The following HECTD4 variants were observed in gnomAD, a reference collection of about 807,000 sequenced individuals.
HECTD4 encodes probable E3 ubiquitin-protein ligase HECTD4.
Under a neutral mutation model 471.5 loss-of-function variants are expected in HECTD4, and 114 were observed. The observed-to-expected ratio is 0.24, with a 90% CI of 0.21 to 0.28. The LOEUF (loss-of-function observed/expected upper bound fraction) is 0.28, where lower values mean the gene tolerates loss of function less well. Among genes scored for constraint, HECTD4 ranks in the 10% least tolerant of loss-of-function variants. The pLI is 1.00. For synonymous variants in HECTD4, 2,012 were observed against 2,256.0 expected, an observed-to-expected ratio of 0.89 and a Z score of 3.07; for missense variants, 3,866 against 5,651.5, an observed-to-expected ratio of 0.68 and a Z score of 10.13.
intron 32 of HECTD4, among the ~76,000 whole-genome samples, chr12:112,241,436 T>C (rs1345819909): frequency 2.6e-5 from 4 of 152,230 alleles, no homozygotes; most frequent in Admixed American, 2.0e-4. Flanking sequence ...GAACCCATCA[T>C]GAACAGAAGC....
At chr12:112,312,867 T>A in intron 4 of HECTD4, 150 bp downstream of exon 4, 1 of 580,648 alleles carries the variant, frequency 1.7e-6, no homozygotes. Flanking sequence ...CGTTTACTGA[T>A]AAAGCAGACA....
chr12:112,268,976 G>A (rs1439009411), intron 13 of HECTD4, among the ~76,000 whole-genome samples: 2 of 133,752 alleles, frequency 1.5e-5, no homozygotes, highest in Non-Finnish European at 3.1e-5. Flanking sequence ...CCGGGTTCAC[G>A]CCATTCTCCT....
Position 112,208,521 on chromosome 12 carries a change from A to G in HECTD4, c.7977T>C (p.Asp2659=). The change falls in exon 51 of 76, where the codon GAT becomes GAC. Residue 2659 remains aspartate, a synonymous_variant. Transcript: ENST00000682272. ...HPPPIADDES[D]DDDDDDIPQE... is the part of the protein sequence containing the mutation. ...GAGGGATGTCATCATCGTCATCATC[A>G]TCGCTTTCATCATCTGCAATGGGAG... The G allele has an allele frequency of 1.2e-6, 2 of 1,601,632 alleles. No homozygotes were observed. The highest frequency in any genetic ancestry group is 1.1e-5 in the South Asian group (1 of 88,738).
At chr12:112,349,388 C>CAA (rs60480485) in intron 1 of HECTD4, among the ~76,000 whole-genome samples, 5,528 of 54,080 alleles carry the variant, frequency 0.1, 238 homozygotes, top group East Asian at 0.28. Context: ...ACTCTTGCTC[C>CAA]AAAAAAAAAA....
At chr12:112,176,250 C>T (rs2031442670) in intron 65 of HECTD4, among the ~76,000 whole-genome samples, 3 of 152,236 alleles carry the variant, frequency 2.0e-5, no homozygotes, top group Admixed American at 2.0e-4. Flanking sequence ...TAGGCCAGTG[C>T]CTTCTAGAAC....
chr12:112,353,442 A>T (rs959545784), intron 1 of HECTD4, among the ~76,000 whole-genome samples: 1 of 152,214 alleles, frequency 6.6e-6, no homozygotes, highest in Non-Finnish European at 1.5e-5. Context: ...ATATATTACT[A>T]AAAAAAGTCA....
chr12:112,273,132 T>G (rs1327451445), intron 11 of HECTD4, among the ~76,000 whole-genome samples: 1 of 152,208 alleles, frequency 6.6e-6, no homozygotes, highest in Admixed American at 6.5e-5. Context: ...AATTGCCTGT[T>G]TTAGTGTTGC....
At chr12:112,234,364 T>C (rs907435567) in intron 37 of HECTD4, among the ~76,000 whole-genome samples, 3 of 152,218 alleles carry the variant, frequency 2.0e-5, no homozygotes, top group Non-Finnish European at 4.4e-5. Context: ...CCGCTTAGTT[T>C]ACACCATGGT....
At chr12:112,298,711 T>C (rs1811730334) in intron 7 of HECTD4, among the ~76,000 whole-genome samples, 2 of 151,672 alleles carry the variant, frequency 1.3e-5, no homozygotes, top group Admixed American at 6.6e-5. Flanking sequence ...GGTGAAACTC[T>C]GTCTCTACTA....
In HECTD4 at chr12:112,358,958, G is replaced by A. The variant is rs555872954; in HGVS notation, c.177+22994C>T. ...TGGGAGGCCGAGGCAGGTAGATCAC[G>A]AGGTCAGGAGATCAAGACCATCCTG... On this transcript the variant is annotated intron_variant, in intron 1 of 75. Coordinates refer to ENST00000682272, the MANE Select transcript of HECTD4 (RefSeq NM_001388303.1). Among the ~76,000 whole-genome samples the A allele has an allele frequency of 5.9e-5, 9 of 152,198 alleles. No homozygotes were observed. The South Asian group carries it at 1.9e-3, about 32-fold the overall frequency.
rs984773057 is a variant in HECTD4, at chr12:112,235,174, G to A, written c.5818C>T (p.Pro1940Ser). The change falls in exon 37 of 76, where the codon CCT (proline) becomes TCT (serine). Residue 1940 changes from proline to serine, a missense_variant. By Grantham distance (74) the Pro-to-Ser change is moderately conservative. Transcript: ENST00000682272. The surrounding 1 kb of genome is among the most constrained non-coding windows in gnomAD (Gnocchi z 5.0). ...PKNSLKGDKD[P>S]GEESEAVDGK... ...TCCACAGCCTCACTCTCTTCTCCAG[G>A]ATCTTTATCTCCTTTCAAGGAATTC... The A allele has an allele frequency of 9.3e-6, 15 of 1,613,910 alleles. No individual in the cohort carries two copies. Among genetic ancestry groups the A allele is most frequent in the Admixed American group, 1.7e-5 (1 of 60,006 alleles).
intron 7 of HECTD4, among the ~76,000 whole-genome samples, chr12:112,292,706 G>A (rs1016161622): frequency 6.6e-6 from 1 of 152,118 alleles, no homozygotes; most frequent in Admixed American, 6.6e-5. Context: ...TCACAAGCAT[G>A]CCACAAAATA....
chr12:112,246,758 A>G (rs2033772352), intron 29 of HECTD4, 143 bp downstream of exon 29: 1 of 638,988 alleles, frequency 1.6e-6, no homozygotes, highest in Non-Finnish European at 2.4e-6. Flanking sequence ...GCAAAATTAA[A>G]TATGTTAAAA....
intron 1 of HECTD4, among the ~76,000 whole-genome samples, chr12:112,375,938 G>C (rs2036768066): frequency 6.6e-6 from 1 of 151,602 alleles, no homozygotes; most frequent in Non-Finnish European, 1.5e-5. Context: ...AAATTAGCTG[G>C]GGTGAGGGTC....
chr12:112,351,304 G>C (rs907696276), intron 1 of HECTD4, among the ~76,000 whole-genome samples: 1 of 152,174 alleles, frequency 6.6e-6, no homozygotes, highest in Admixed American at 6.5e-5. Flanking sequence ...CCTCATGATC[G>C]CGTCAGAAGT....
rs138962496 is a variant in HECTD4, at chr12:112,187,775, C to T, written c.9473-2282G>A. ...CCAAGTAGCTGGGACCACAGGCGCCCGCTATCACACCCGGCTAATTTTTTG... is the reference window on the plus strand; with the variant it reads ...CCAAGTAGCTGGGACCACAGGCGCCTGCTATCACACCCGGCTAATTTTTTG... On this transcript the variant is annotated intron_variant, in intron 60 of 75. Transcript: ENST00000682272. Among the ~76,000 whole-genome samples the T allele has an allele frequency of 4.6e-3, 693 of 151,434 alleles. 6 individuals are homozygous for T. The highest frequency in any genetic ancestry group is 0.015 in the African/African-American group (630 of 41,392).
intron 20 of HECTD4, 152 bp from the exon 21 acceptor site, chr12:112,256,670 T>A (rs1405953802): frequency 3.0e-5 from 13 of 428,238 alleles, no homozygotes; most frequent in African/African-American, 4.1e-5. Flanking sequence ...AGAAACATTT[T>A]AAAAATTCCT....
chr12:112,265,378 T>C, intron 15 of HECTD4, 83 bp from the exon 16 acceptor site: 3 of 910,978 alleles, frequency 3.3e-6, no homozygotes, highest in Non-Finnish European at 4.8e-6. Context: ...TAGTATAAGA[T>C]GACAAATAAA....
At chr12:112,324,045 C>CTTT (rs2035676990) in intron 1 of HECTD4, among the ~76,000 whole-genome samples, 6 of 13,904 alleles carry the variant, frequency 4.3e-4, no homozygotes, top group South Asian at 3.0e-3. Flanking sequence ...TTCCTTCCTT[C>CTTT]CTTTCTTTCT....
Sources: gnomAD v4.1 joint callset for allele counts (sites outside exome capture counted in the v4.1 genomes callset) on GRCh38, gnomAD v4.1.1 for gene constraint, Gnocchi (gnomAD v3.1) non-coding constraint, MANE v1.5 for transcripts, NCBI Gene and HGNC (gene_info 2026-07-23, HGNC 2026-07-21) for gene names.